CACNB1: variants seen among roughly 807,000 people sequenced by gnomAD.
CACNB1 encodes voltage-dependent L-type calcium channel subunit beta-1.
CACNB1 carries 29 observed loss-of-function variants against 71.6 expected under a neutral mutation model. The ratio of observed to expected loss-of-function variants is 0.40; its 90% CI spans 0.30 to 0.55. The LOEUF (loss-of-function observed/expected upper bound fraction) is 0.55, where lower values mean the gene tolerates loss of function less well. Ranked by LOEUF, CACNB1 falls within the 20% of genes least tolerant of loss-of-function variation. The pLI, the probability that CACNB1 is intolerant of heterozygous loss-of-function variation, is 0.38. For synonymous variants in CACNB1, 300 were observed against 319.6 expected (o/e 0.94, Z 0.65); for missense variants, 623 against 801.8 (o/e 0.78, Z 2.69).
At position 39,197,580 on chromosome 17, in the gene CACNB1, C is replaced by A; in HGVS notation, c.-85G>T. 2 of 1,064,326 alleles carry A rather than the reference C, an allele frequency of 1.9e-6. No homozygotes were observed. The highest frequency in any genetic ancestry group is 2.6e-6 in the Non-Finnish European group (2 of 758,258). 65.9% of individuals were successfully genotyped at this position (1,064,326 alleles called of 1,614,324 possible). ...GAGAGGCCGTGGGAGCCGAAAGCAG[C>A]GCGGCGCAGCCAGCACCCGGTCCAG... On this transcript the variant is annotated 5_prime_UTR_variant, in exon 1 of 14. Transcript: ENST00000394303.
In CACNB1 at chr17:39,175,359, C is replaced by T; in HGVS notation, c.1631G>A (p.Arg544Gln). Residue 544 changes from arginine (R) to glutamine (Q), a missense_variant, in exon 14 of 14, where the codon CGA becomes CAA. Physicochemically the swap from Arg to Gln is conservative, Grantham distance 43. Transcript: ENST00000394303. The surrounding 1 kb of genome is among the most constrained non-coding windows in gnomAD (Gnocchi z 4.7). ...TTCCTCGTCCTCCCAGGATCCCTGTCGGGCTGGGGGCGTGCCGCCCCCTGC... is the reference window on the plus strand; with the variant it reads ...TTCCTCGTCCTCCCAGGATCCCTGTTGGGCTGGGGGCGTGCCGCCCCCTGC... ...DPAGGGTPPA[R>Q]QGSWEDEEED... The T allele has an allele frequency of 6.2e-7, 1 of 1,614,152 alleles. No homozygotes were observed. Among genetic ancestry groups the T allele is most frequent in the South Asian group, 1.1e-5 (1 of 91,082 alleles).
intron 11 of CACNB1, among the ~76,000 whole-genome samples, chr17:39,179,280 CAAAAAAA>C (rs35292368): frequency 1.2e-4 from 6 of 48,656 alleles, no homozygotes; most frequent in Admixed American, 5.0e-4. Context: ...GACTCCGTCT[CAAAAAAA>C]AAAAAAAAAA....
chr17:39,184,280 G>T, intron 9 of CACNB1, 45 bp downstream of exon 9: 1 of 1,377,628 alleles, frequency 7.3e-7, no homozygotes, highest in Non-Finnish European at 1.0e-6. Context: ...ATCCCCAGCA[G>T]CAGAGAGCAA....
intron 11 of CACNB1, among the ~76,000 whole-genome samples, chr17:39,182,700 AAAATAAATAAAT>A (rs59927625): frequency 0.058 from 8,173 of 140,232 alleles, 417 homozygotes; most frequent in African/African-American, 0.13. Flanking sequence ...GACTCTGTCT[AAAATAAATAAAT>A]AAATAAATAA....
intron 11 of CACNB1, among the ~76,000 whole-genome samples, chr17:39,182,354 A>G (rs2045791743): frequency 6.7e-6 from 1 of 150,300 alleles, no homozygotes; most frequent in Admixed American, 6.6e-5. Flanking sequence ...TAACTGGTCC[A>G]GGGAGCCCAG....
chr17:39,186,310 G>C lies in CACNB1; in HGVS notation c.628+186C>G. ...AGATGGAGCTACCAAAGAAAAGGGA[G>C]AGGAGAGACATGACAGGCCCAGCTT... is the stretch of plus-strand genomic sequence containing the variant. On this transcript the variant is annotated intron_variant, in intron 6 of 13. Coordinates refer to ENST00000394303, the MANE Select transcript of CACNB1 (RefSeq NM_000723.5). This position sits in a 1 kb window ranked among gnomAD's most constrained non-coding sequence, Gnocchi z 4.1. 1 of 635,262 alleles carries C rather than the reference G, an allele frequency of 1.6e-6. No homozygotes were observed. The highest frequency in any genetic ancestry group is 2.8e-6 in the Non-Finnish European group (1 of 362,182). The allele number at this position is 635,262 out of a possible 1,614,324, so 39.4% of individuals were successfully genotyped here.
At position 39,187,728 on chromosome 17, in the gene CACNB1, C is replaced by T. The variant is rs1164593725; in HGVS notation, c.292-127G>A. The T allele has an allele frequency of 2.6e-6, 3 of 1,133,732 alleles. No individual in the cohort carries two copies. The African/African-American group carries it at 4.6e-5, about 17-fold the overall frequency. The allele number at this position is 1,133,732 out of a possible 1,614,324, so 70.2% of individuals were successfully genotyped here. On this transcript the variant is annotated intron_variant, in intron 3 of 13. Transcript: ENST00000394303. ...AATAGTTCCTTGAAATGTGTATGGACATGGGCAGGGTGTGGTGGCTCACAC... is the reference window on the plus strand; with the variant it reads ...AATAGTTCCTTGAAATGTGTATGGATATGGGCAGGGTGTGGTGGCTCACAC...
At position 39,175,292 on chromosome 17, in the gene CACNB1, G is replaced by A. The variant is rs146146989; in HGVS notation, c.1698C>T (p.Gly566=). ...EEELTDNRNR[G]RNKARYCAEG... is the part of the protein sequence containing the mutation. ...CAGCGCAGTAGCGGGCCTTATTCCG[G>A]CCCCGGTTCCGGTTGTCGGTCAGCT... is the stretch of plus-strand genomic sequence containing the variant. The change falls in exon 14 of 14, where the codon GGC becomes GGT. Residue 566 remains glycine (G), a synonymous_variant. Transcript: ENST00000394303. The surrounding 1 kb of genome is among the most constrained non-coding windows in gnomAD (Gnocchi z 4.7). 6.8e-6 allele frequency: 11 copies of A among 1,614,134 alleles called. No individual in the cohort carries two copies. The highest frequency in any genetic ancestry group is 9.3e-6 in the Non-Finnish European group (11 of 1,180,010).
intron 2 of CACNB1, 21 bp from the exon 3 acceptor site, chr17:39,191,614 A>G: frequency 6.2e-7 from 1 of 1,606,298 alleles, no homozygotes; most frequent in Non-Finnish European, 8.5e-7. Flanking sequence ...AGAGAGCCAG[A>G]TCAGGGCCAT....
chr17:39,187,053 T>A, intron 4 of CACNB1, 124 bp from the exon 5 acceptor site: 1 of 999,594 alleles, frequency 1.0e-6, no homozygotes, highest in East Asian at 2.6e-5. Flanking sequence ...CCCTCAAAAA[T>A]CCCCAGCCCT....
In CACNB1 at chr17:39,175,350, G is replaced by A. The variant is rs777006200; in HGVS notation, c.1640C>T (p.Ser547Phe). 2 of 1,614,130 alleles carry A rather than the reference G, an allele frequency of 1.2e-6. No individual in the cohort carries two copies. Among genetic ancestry groups the A allele is most frequent in the Non-Finnish European group, 8.5e-7 (1 of 1,180,018 alleles). Residue 547 changes from serine (S) to phenylalanine (F), a missense_variant, in exon 14 of 14, where the codon TCC becomes TTC. Coordinates refer to ENST00000394303, the MANE Select transcript of CACNB1 (RefSeq NM_000723.5). This position sits in a 1 kb window ranked among gnomAD's most constrained non-coding sequence, Gnocchi z 4.7. The part of the protein sequence containing the change: ...GGGTPPARQG[S>F]WEDEEEDYEE... ...ATAGTCTTCTTCCTCGTCCTCCCAG[G>A]ATCCCTGTCGGGCTGGGGGCGTGCC...
In CACNB1 at chr17:39,194,871, G is replaced by A; in HGVS notation, c.171+13C>T. 1.3e-6 allele frequency: 2 copies of A among 1,591,422 alleles called. No individual in the cohort carries two copies. Among genetic ancestry groups the A allele is most frequent in the East Asian group, 2.2e-5 (1 of 44,752 alleles). On this transcript the variant is annotated intron_variant, in intron 2 of 13. Transcript: ENST00000394303. The surrounding 1 kb of genome is among the most constrained non-coding windows in gnomAD (Gnocchi z 4.6). ...CAGCCACCTCCCTCCTCTCCGCCCA[G>A]CCTCCCCATTACCTGGCGGACAAAG...
chr17:39,174,913 G>A lies in CACNB1; in HGVS notation c.*280C>T. ...AAGTGCACCTTTTCTCTAGGAGGGT[G>A]AGGGAGGAGAGCCCCTTAAGATGGG... On this transcript the variant is annotated 3_prime_UTR_variant, in exon 14 of 14. Transcript: ENST00000394303. The A allele has an allele frequency of 2.2e-6, 1 of 458,500 alleles. No homozygotes were observed. Among genetic ancestry groups the A allele is most frequent in the Non-Finnish European group, 3.9e-6 (1 of 256,746 alleles). The allele number at this position is 458,500 out of a possible 1,614,324, so 28.4% of individuals were successfully genotyped here.
chr17:39,174,402 GGATGGGGGGCT>G lies in CACNB1; in HGVS notation c.*780_*790del, dbSNP rs1197135741. 1 of 152,796 alleles carries G rather than the reference GGATGGGGGGCT, an allele frequency of 6.5e-6. No homozygotes were observed. The highest frequency in any genetic ancestry group is 1.5e-5 in the Non-Finnish European group (1 of 68,212). 9.5% of individuals were successfully genotyped at this position (152,796 alleles called of 1,614,324 possible). ...TGGGCTCCACACCCAGGTGGCACAGGGATGGGGGGCTCAGATGCAGAGGGGCCCCCTCTACT... is the reference window on the plus strand; with the variant it reads ...TGGGCTCCACACCCAGGTGGCACAGGCAGATGCAGAGGGGCCCCCTCTACT... On this transcript the variant is annotated 3_prime_UTR_variant, in exon 14 of 14. Transcript: ENST00000394303.
chr17:39,175,592 G>A lies in CACNB1; in HGVS notation c.1398C>T (p.His466=), dbSNP rs2045558060. Residue 466 remains histidine, a synonymous_variant, in exon 14 of 14, where the codon CAC becomes CAT. Transcript: ENST00000394303. This position sits in a 1 kb window ranked among gnomAD's most constrained non-coding sequence, Gnocchi z 4.7. ...GCTGGCCCAGCTCCCCTGGGTACTCGTGCATGCTGGCGTGCTCCCCGGTGG... is the reference window on the plus strand; with the variant it reads ...GCTGGCCCAGCTCCCCTGGGTACTCATGCATGCTGGCGTGCTCCCCGGTGG... The part of the protein sequence containing the change: ...ERATGEHASM[H]EYPGELGQPP... 1.2e-6 allele frequency: 2 copies of A among 1,608,300 alleles called. No individual in the cohort carries two copies. Among genetic ancestry groups the A allele is most frequent in the South Asian group, 2.2e-5 (2 of 90,328 alleles).
chr17:39,178,891 C>T (rs1022568930), intron 11 of CACNB1, among the ~76,000 whole-genome samples: 2 of 152,190 alleles, frequency 1.3e-5, no homozygotes, highest in African/African-American at 2.4e-5. Context: ...AACAATCACA[C>T]AAACGCACAC....
chr17:39,191,615 T>A (rs770282706), intron 2 of CACNB1, 22 bp from the exon 3 acceptor site: 3 of 1,605,716 alleles, frequency 1.9e-6, no homozygotes, highest in Non-Finnish European at 1.7e-6. Flanking sequence ...GAGAGCCAGA[T>A]CAGGGCCATT....
rs2045512650 is a variant in CACNB1, at chr17:39,173,691, A to G, written c.*1502T>C. The G allele has an allele frequency of 6.6e-6, 1 of 152,464 alleles. No individual in the cohort carries two copies. Among genetic ancestry groups the G allele is most frequent in the Non-Finnish European group, 1.5e-5 (1 of 68,078 alleles). The allele number at this position is 152,464 out of a possible 1,614,324, so 9.4% of individuals were successfully genotyped here. On this transcript the variant is annotated 3_prime_UTR_variant, in exon 14 of 14. Coordinates refer to ENST00000394303, the MANE Select transcript of CACNB1 (RefSeq NM_000723.5). Reference sequence around the variant, plus strand: ...TTTTGAGTCAATGACTCAGGGCACAACATCTTCAGGCACCCACCCTTTCAA... The same window carrying G: ...TTTTGAGTCAATGACTCAGGGCACAGCATCTTCAGGCACCCACCCTTTCAA...
At position 39,197,276 on chromosome 17, in the gene CACNB1, G is replaced by A. The variant is rs542028642; in HGVS notation, c.84+136C>T. ...GCGCCCATCAATCACAACCTGCAAG[G>A]ATGGGGGGCGCGCAGGCATCCCTCT... On this transcript the variant is annotated intron_variant, in intron 1 of 13. Coordinates refer to ENST00000394303, the MANE Select transcript of CACNB1 (RefSeq NM_000723.5). 6.3e-4 allele frequency: 323 copies of A among 511,038 alleles called. 2 individuals are homozygous for A. The South Asian group carries it at 9.7e-3, about 15-fold the overall frequency. 31.7% of individuals were successfully genotyped at this position (511,038 alleles called of 1,614,324 possible). A position where few individuals can be genotyped will look rare whatever the true frequency, so the allele number is the denominator to read the frequency against.
Sources: gnomAD v4.1 joint callset for allele counts (sites outside exome capture counted in the v4.1 genomes callset) on GRCh38, gnomAD v4.1.1 for gene constraint, Gnocchi (gnomAD v3.1) non-coding constraint, MANE v1.5 for transcripts, NCBI Gene and HGNC (gene_info 2026-07-23, HGNC 2026-07-21) for gene names.